The following TSHZ2 variants were observed in gnomAD, a reference collection of about 807,000 sequenced individuals.
TSHZ2 encodes teashirt homolog 2.
Under a neutral mutation model 74.4 loss-of-function variants are expected in TSHZ2, and 21 were observed. The observed-to-expected ratio is 0.28, with a 90% CI of 0.20 to 0.41. TSHZ2 has a LOEUF of 0.41. Ranked by LOEUF, TSHZ2 falls within the 10% of genes least tolerant of loss-of-function variation. TSHZ2 has a pLI of 1.00. For synonymous variants in TSHZ2, 540 were observed against 515.3 expected (o/e 1.05, Z -0.65); for missense variants, 1,244 against 1,293.5 (o/e 0.96, Z 0.59).
At position 53,089,133 on chromosome 20, in the gene TSHZ2, C is replaced by A. The variant is rs181300478; in HGVS notation, c.40+115800C>A. Among the ~76,000 whole-genome samples, 56 of 151,480 alleles carry A rather than the reference C, an allele frequency of 3.7e-4. No homozygotes were observed. In the East Asian group the frequency reaches 7.2e-3, roughly 19 times the overall value. On this transcript the variant is annotated intron_variant, in intron 1 of 2. Coordinates refer to ENST00000371497, the MANE Select transcript of TSHZ2 (RefSeq NM_173485.6). ...CCTTTTTAAATCTCCCCATTATGTT[C>A]AACAGCATGTCAGCTGAGAGTTCAG...
At chr20:53,199,561 C>A (rs2123568767) in intron 1 of TSHZ2, among the ~76,000 whole-genome samples, 1 of 152,316 alleles carries the variant, frequency 6.6e-6, no homozygotes, top group South Asian at 2.1e-4. Flanking sequence ...GTCTTCAAAG[C>A]CAGAGACAGC....
intron 2 of TSHZ2, among the ~76,000 whole-genome samples, chr20:53,277,587 T>G (rs555698523): frequency 1.3e-5 from 2 of 152,310 alleles, no homozygotes; most frequent in South Asian, 4.1e-4. Context: ...AGCTCAGGTG[T>G]TCTATGTGTT....
At chr20:53,394,666 TC>T (rs1329770066) in intron 2 of TSHZ2, among the ~76,000 whole-genome samples, 3 of 150,430 alleles carry the variant, frequency 2.0e-5, no homozygotes, top group African/African-American at 7.4e-5. Flanking sequence ...AATCTCCTTT[TC>T]CTGGCCTTAT....
At chr20:53,300,390 C>G (rs906204318) in intron 2 of TSHZ2, among the ~76,000 whole-genome samples, 4 of 152,190 alleles carry the variant, frequency 2.6e-5, no homozygotes, top group African/African-American at 9.7e-5. Flanking sequence ...TTGTTCTGTT[C>G]AAGTTCCTTT....
At chr20:53,286,842 A>G (rs765942258) in intron 2 of TSHZ2, among the ~76,000 whole-genome samples, 9 of 151,848 alleles carry the variant, frequency 5.9e-5, no homozygotes, top group African/African-American at 1.9e-4. Context: ...GATTGTACCA[A>G]TATACTTCAG....
intron 1 of TSHZ2, among the ~76,000 whole-genome samples, chr20:53,060,121 G>A (rs1189251740): frequency 6.6e-6 from 1 of 152,148 alleles, no homozygotes; most frequent in Non-Finnish European, 1.5e-5. Context: ...TTGTAAAGCA[G>A]TACACACAAA....
chr20:53,066,496 C>A (rs1455150215), intron 1 of TSHZ2, among the ~76,000 whole-genome samples: 1 of 151,918 alleles, frequency 6.6e-6, no homozygotes, highest in East Asian at 1.9e-4. Flanking sequence ...GAAGCTGTTT[C>A]TTGTTTGTTT....
chr20:53,277,468 A>AT (rs1002652063), intron 2 of TSHZ2, among the ~76,000 whole-genome samples: 9 of 152,142 alleles, frequency 5.9e-5, no homozygotes, highest in Admixed American at 6.5e-5. Context: ...AGGAAAAAAA[A>AT]AAACAAGGAA....
chr20:53,413,576 G>A (rs544418803), intron 2 of TSHZ2, among the ~76,000 whole-genome samples: 4 of 152,338 alleles, frequency 2.6e-5, no homozygotes, highest in Admixed American at 6.5e-5. Context: ...TTCATATGGT[G>A]GGTAGGAGAT....
intron 1 of TSHZ2, among the ~76,000 whole-genome samples, chr20:53,028,142 T>C (rs1256971703): frequency 3.3e-5 from 5 of 152,110 alleles, no homozygotes; most frequent in Admixed American, 3.3e-4. Context: ...GAAATGGTGG[T>C]GGTGGATAGC....
In TSHZ2 at chr20:53,246,903, C is replaced by T. The variant is rs983933963; in HGVS notation, c.41-6596C>T. Among the ~76,000 whole-genome samples, 6 of 152,174 alleles carry T rather than the reference C, an allele frequency of 3.9e-5. No homozygotes were observed. In the East Asian group the frequency reaches 9.6e-4, roughly 24 times the overall value. On this transcript the variant is annotated intron_variant, in intron 1 of 2. Transcript: ENST00000371497. ...AGACGGACCCCACCTGGTATGCAAGCGCGGTACATGTAAAGCATTCCAATT... is the reference window on the plus strand; with the variant it reads ...AGACGGACCCCACCTGGTATGCAAGTGCGGTACATGTAAAGCATTCCAATT...
intron 2 of TSHZ2, among the ~76,000 whole-genome samples, chr20:53,279,875 A>G (rs1991021171): frequency 6.6e-6 from 1 of 152,228 alleles, no homozygotes; most frequent in African/African-American, 2.4e-5. Context: ...TGAGGGAGCC[A>G]CAAATGAGAA....
At chr20:52,980,963 C>A (rs1981544064) in intron 1 of TSHZ2, among the ~76,000 whole-genome samples, 1 of 152,152 alleles carries the variant, frequency 6.6e-6, no homozygotes, top group Admixed American at 6.5e-5. Context: ...ATATGAATAG[C>A]TTCTGGGCCA....
chr20:53,341,077 TC>T (rs1410032129), intron 2 of TSHZ2, among the ~76,000 whole-genome samples: 1 of 152,222 alleles, frequency 6.6e-6, no homozygotes, highest in Non-Finnish European at 1.5e-5. Context: ...ACCTTTGTGT[TC>T]CTAGCCCCCT....
At chr20:53,461,233 T>C (rs1985355475) in intron 2 of TSHZ2, among the ~76,000 whole-genome samples, 1 of 152,228 alleles carries the variant, frequency 6.6e-6, no homozygotes, top group Admixed American at 6.5e-5. Context: ...GTGCGGGATA[T>C]AATCTCCTGG....
intron 1 of TSHZ2, among the ~76,000 whole-genome samples, chr20:53,246,288 C>T (rs1322752245): frequency 6.6e-6 from 1 of 152,086 alleles, no homozygotes; most frequent in East Asian, 1.9e-4. Context: ...TGTGATCTGC[C>T]CACTTCTGCC....
At chr20:53,189,420 G>A (rs1003521748) in intron 1 of TSHZ2, among the ~76,000 whole-genome samples, 23 of 152,150 alleles carry the variant, frequency 1.5e-4, no homozygotes, top group African/African-American at 5.3e-4. Context: ...CAGATCACCT[G>A]ATTTTTCTGT....
chr20:53,114,596 A>G (rs896177826), intron 1 of TSHZ2, among the ~76,000 whole-genome samples: 10 of 151,992 alleles, frequency 6.6e-5, no homozygotes, highest in African/African-American at 2.4e-4. Flanking sequence ...TGAGGTGTAA[A>G]ATGGGCTTCT....
At chr20:53,043,951 G>T (rs1984136342) in intron 1 of TSHZ2, among the ~76,000 whole-genome samples, 1 of 152,184 alleles carries the variant, frequency 6.6e-6, no homozygotes. Context: ...TATATTTTCA[G>T]TTCTTTAATT....
Sources: gnomAD v4.1 joint callset for allele counts (sites outside exome capture counted in the v4.1 genomes callset) on GRCh38, gnomAD v4.1.1 for gene constraint, MANE v1.5 for transcripts, NCBI Gene and HGNC (gene_info 2026-07-23, HGNC 2026-07-21) for gene names.